RBL1: variants seen among roughly 807,000 people sequenced by gnomAD.
The protein encoded by RBL1 is retinoblastoma-like protein 1.
Under a neutral mutation model 123.0 loss-of-function variants are expected in RBL1, and 82 were observed. The ratio of observed to expected loss-of-function variants is 0.67; its 90% CI spans 0.56 to 0.80. The LOEUF is 0.80. Ranked by LOEUF, RBL1 falls within the 30% of genes least tolerant of loss-of-function variation. RBL1 has a pLI of 0.00. For missense variants in RBL1, 1,171 were observed against 1,299.6 expected, an observed-to-expected ratio of 0.90 and a Z score of 1.52; for synonymous variants, 405 against 441.3, an observed-to-expected ratio of 0.92 and a Z score of 1.03.
At chr20:37,062,936 C>T (rs530184954) in intron 7 of RBL1, among the ~76,000 whole-genome samples, 122 of 150,440 alleles carry the variant, frequency 8.1e-4, no homozygotes, top group African/African-American at 2.5e-3. Context: ...GAGCTGAGAT[C>T]GCGCCACTGC....
intron 21 of RBL1, among the ~76,000 whole-genome samples, chr20:37,001,128 G>A (rs1046411975): frequency 2.0e-5 from 3 of 148,484 alleles, no homozygotes; most frequent in Admixed American, 6.7e-5. Context: ...GAGGCGGGGG[G>A]GTCAGCCCCC....
At chr20:37,022,897 A>G in intron 16 of RBL1, 71 bp from the exon 17 acceptor site, 1 of 1,249,666 alleles carries the variant, frequency 8.0e-7, no homozygotes. Context: ...TGTCTTACCA[A>G]GACCAAGATT....
intron 20 of RBL1, among the ~76,000 whole-genome samples, chr20:37,005,098 C>T (rs1296449225): frequency 6.6e-6 from 1 of 151,800 alleles, no homozygotes; most frequent in Non-Finnish European, 1.5e-5. Context: ...GCATGAGAAC[C>T]TCATATTCAT....
At position 37,056,351 on chromosome 20, in the gene RBL1, CTTTTTTTTTT is replaced by C. The variant is rs199931898; in HGVS notation, c.1251-103_1251-94del. On this transcript the variant is annotated intron_variant, in intron 9 of 21. Coordinates refer to ENST00000373664, the MANE Select transcript of RBL1 (RefSeq NM_002895.5). The stretch of plus-strand genomic sequence containing the variant: ...CAGAATACTAACATGCCTTCTTCTT[CTTTTTTTTTT>C]TTTTTTTTTTTGAGACGGAGTCTCG... 7 of 971,338 alleles carry C rather than the reference CTTTTTTTTTT, an allele frequency of 7.2e-6. 1 individual carries two copies. The highest frequency in any genetic ancestry group is 8.2e-5 in the East Asian group (1 of 12,210). 60.2% of individuals were successfully genotyped at this position (971,338 alleles called of 1,614,324 possible).
At chr20:37,064,801 G>A (rs951680264) in intron 7 of RBL1, among the ~76,000 whole-genome samples, 2 of 151,932 alleles carry the variant, frequency 1.3e-5, no homozygotes, top group South Asian at 2.1e-4. Flanking sequence ...GTAGAGATGC[G>A]GTTTCACCAT....
At chr20:37,074,182 G>T (rs545572910) in intron 2 of RBL1, among the ~76,000 whole-genome samples, 1 of 152,042 alleles carries the variant, frequency 6.6e-6, no homozygotes, top group African/African-American at 2.4e-5. Flanking sequence ...GGAGGCTGAG[G>T]CAGGAAGATA....
intron 16 of RBL1, among the ~76,000 whole-genome samples, chr20:37,027,146 G>A (rs2064438715): frequency 6.6e-6 from 1 of 151,408 alleles, no homozygotes. Flanking sequence ...AGGAGTTCAA[G>A]ATGAACCTGG....
intron 17 of RBL1, among the ~76,000 whole-genome samples, chr20:37,022,318 T>C (rs2064353844): frequency 6.6e-6 from 1 of 152,182 alleles, no homozygotes; most frequent in Non-Finnish European, 1.5e-5. Flanking sequence ...CAATATGCGA[T>C]ATGGTACAGA....
chr20:37,067,863 A>T, intron 3 of RBL1, 123 bp downstream of exon 3: 1 of 1,164,178 alleles, frequency 8.6e-7, no homozygotes, highest in Non-Finnish European at 1.2e-6. Flanking sequence ...ACATGGATTT[A>T]AAAAGAAAAT....
chr20:37,030,947 G>A (rs1194484277), intron 16 of RBL1, among the ~76,000 whole-genome samples: 1 of 151,900 alleles, frequency 6.6e-6, no homozygotes, highest in African/African-American at 2.4e-5. Context: ...TCAGAGGGTC[G>A]AGGTGGGAGG....
intron 16 of RBL1, among the ~76,000 whole-genome samples, chr20:37,023,580 T>C (rs2064376186): frequency 6.6e-6 from 1 of 152,152 alleles, no homozygotes; most frequent in Non-Finnish European, 1.5e-5. Flanking sequence ...TCCTATATTC[T>C]ACACTTTTTA....
At chr20:37,068,215 C>T (rs1290222022) in intron 2 of RBL1, 29 bp from the exon 3 acceptor site, 3 of 1,524,154 alleles carry the variant, frequency 2.0e-6, no homozygotes, top group East Asian at 4.8e-5. Context: ...AGAAAAAAGG[C>T]ACCTTTAAAA....
rs147377530 is a variant in RBL1 at position 37,080,192 on chromosome 20, T to C, written c.290+8797A>G. ...TTATTTTTTGAGACAAGAGTCTCGC[T>C]CTGTTGCCTAGGCTGGAGTGCAGTG... On this transcript the variant is annotated intron_variant, in intron 2 of 21. Coordinates refer to ENST00000373664, the MANE Select transcript of RBL1 (RefSeq NM_002895.5). Among the ~76,000 whole-genome samples, 250 of 152,314 alleles carry C rather than the reference T, an allele frequency of 1.6e-3. 1 individual carries two copies. Among genetic ancestry groups the C allele is most frequent in the African/African-American group, 5.8e-3 (239 of 41,564 alleles).
At chr20:37,032,969 G>A (rs2064538835) in intron 15 of RBL1, 93 bp from the exon 16 acceptor site, 1 of 1,467,514 alleles carries the variant, frequency 6.8e-7, no homozygotes. Context: ...ACATATATCT[G>A]TGTGTATAAG....
chr20:37,045,081 C>CCTAT (rs2064797178), intron 12 of RBL1, among the ~76,000 whole-genome samples: 1 of 146,172 alleles, frequency 6.8e-6, no homozygotes, highest in South Asian at 2.2e-4. Context: ...CATTTATTTA[C>CCTAT]TTATTTATTT....
At chr20:37,044,326 T>C (rs2064782265) in intron 12 of RBL1, 76 bp from the exon 13 acceptor site, 5 of 1,394,116 alleles carry the variant, frequency 3.6e-6, no homozygotes, top group Non-Finnish European at 4.9e-6. Flanking sequence ...TAGGACTAGC[T>C]GTGGCTTTCT....
chr20:37,031,099 C>T (rs560134027), intron 16 of RBL1, among the ~76,000 whole-genome samples: 15 of 151,800 alleles, frequency 9.9e-5, no homozygotes, highest in African/African-American at 3.1e-4. Context: ...AACTCTTAGA[C>T]GAAAACATAG....
At chr20:37,036,312 C>G (rs2064610720) in intron 14 of RBL1, among the ~76,000 whole-genome samples, 1 of 152,180 alleles carries the variant, frequency 6.6e-6, no homozygotes, top group South Asian at 2.1e-4. Context: ...GAGTCTTGCT[C>G]TGTCACCCAG....
In RBL1 at chr20:37,056,275, G is replaced by A; in HGVS notation, c.1251-17C>T. ...ACACAAGATCTACAAAATACAAGAG[G>A]AACCAATTACCAAACCAAACAAAAA... On this transcript the variant is annotated splice_polypyrimidine_tract_variant and intron_variant, in intron 9 of 21. Coordinates refer to ENST00000373664, the MANE Select transcript of RBL1 (RefSeq NM_002895.5). 1 of 1,541,572 alleles carries A rather than the reference G, an allele frequency of 6.5e-7. No individual in the cohort carries two copies. The highest frequency in any genetic ancestry group is 8.7e-7 in the Non-Finnish European group (1 of 1,147,904).
Sources: allele counts gnomAD v4.1 joint callset (sites outside exome capture counted in the v4.1 genomes callset), GRCh38; gene constraint gnomAD v4.1.1; transcripts MANE v1.5; gene names NCBI Gene and HGNC (gene_info 2026-07-23, HGNC 2026-07-21).